FGFR2: variants seen among roughly 807,000 people sequenced by gnomAD.
The protein encoded by FGFR2 is fibroblast growth factor receptor 2.
Under a neutral mutation model 95.9 loss-of-function variants are expected in FGFR2, and 19 were observed. The observed-to-expected ratio is 0.20, with a 90% CI of 0.14 to 0.29. The LOEUF (loss-of-function observed/expected upper bound fraction) is 0.29, where lower values mean the gene tolerates loss of function less well. Ranked by LOEUF, FGFR2 falls within the 10% of genes least tolerant of loss-of-function variation. The pLI, the probability that FGFR2 is intolerant of heterozygous loss-of-function variation, is 1.00. For synonymous variants in FGFR2, 392 were observed against 393.3 expected (o/e 1.00, Z 0.04); for missense variants, 707 against 1,056.9 (o/e 0.67, Z 4.59).
At chr10:121,524,122 AC>A (rs1850964353) in intron 6 of FGFR2, among the ~76,000 whole-genome samples, 1 of 148,126 alleles carries the variant, frequency 6.8e-6, no homozygotes, top group African/African-American at 2.5e-5. Context: ...ACACACACAC[AC>A]ACACACACAC....
Position 121,548,245 on chromosome 10 carries a change from C to CTTTTTTTTTTTTTTTTT in FGFR2, c.624+3028_624+3044dup. ...TGTGTGGCCCTCTGCCGCTTTTGGC[C>CTTTTTTTTTTTTTTTTT]TTTTTTTTTTTTTTTTTTTTTTTTT... On this transcript the variant is annotated intron_variant, in intron 5 of 17. Coordinates refer to ENST00000358487, the MANE Select transcript of FGFR2 (RefSeq NM_000141.5). 7.7e-4 allele frequency among the ~76,000 whole-genome samples: 36 copies of CTTTTTTTTTTTTTTTTT among 46,698 alleles called. 4 individuals carry two copies. Among genetic ancestry groups the CTTTTTTTTTTTTTTTTT allele is most frequent in the Admixed American group, 2.1e-3 (5 of 2,412 alleles). The allele number at this position is 46,698 out of a possible 152,430, so 30.6% of individuals were successfully genotyped here.
At chr10:121,585,809 C>T (rs1309647369) in intron 2 of FGFR2, among the ~76,000 whole-genome samples, 2 of 152,132 alleles carry the variant, frequency 1.3e-5, no homozygotes, top group African/African-American at 2.4e-5. Flanking sequence ...TAAATGTCCA[C>T]GATATATATT....
rs1844345225 is a variant in FGFR2 at position 121,479,079 on chromosome 10, CA to C, written c.*777del. The C allele has an allele frequency of 4.3e-6, 1 of 232,708 alleles. No individual in the cohort carries two copies. Among genetic ancestry groups the C allele is most frequent in the African/African-American group, 2.2e-5 (1 of 45,298 alleles). The allele number at this position is 232,708 out of a possible 1,614,324, so 14.4% of individuals were successfully genotyped here. On this transcript the variant is annotated 3_prime_UTR_variant, in exon 18 of 18. Transcript: ENST00000358487. Reference sequence around the variant, plus strand: ...AAATAAATCAAAACTTCATTTTCCCCAAATTAGTCATATATTGTAAATATTC... The same window carrying C: ...AAATAAATCAAAACTTCATTTTCCCCAATTAGTCATATATTGTAAATATTC...
intron 1 of FGFR2, among the ~76,000 whole-genome samples, chr10:121,595,481 GGT>G (rs148572905): frequency 1.9e-4 from 29 of 151,798 alleles, no homozygotes; most frequent in African/African-American, 6.3e-4. Flanking sequence ...GTGTATGCAC[GGT>G]GTGTGTGTGT....
intron 2 of FGFR2, among the ~76,000 whole-genome samples, chr10:121,568,019 G>T (rs141120122): frequency 9.8e-4 from 149 of 152,328 alleles, no homozygotes; most frequent in African/African-American, 3.3e-3. Context: ...CTTAGAGCAG[G>T]TCTCTCAAGG....
intron 2 of FGFR2, among the ~76,000 whole-genome samples, chr10:121,585,503 C>A (rs1324282767): frequency 6.6e-6 from 1 of 152,200 alleles, no homozygotes; most frequent in Admixed American, 6.5e-5. Context: ...CTTTACATTT[C>A]ATTTGCATTT....
At chr10:121,583,246 T>G (rs1861236048) in intron 2 of FGFR2, 2 of 152,384 alleles carry the variant, frequency 1.3e-5, no homozygotes, top group Middle Eastern at 6.8e-3. Flanking sequence ...GGTCTGTCTA[T>G]GCAGGTAGGC....
intron 8 of FGFR2, among the ~76,000 whole-genome samples, chr10:121,516,363 G>T (rs1849710486): frequency 6.6e-6 from 1 of 152,216 alleles, no homozygotes; most frequent in Non-Finnish European, 1.5e-5. Flanking sequence ...GGATGCAATG[G>T]TATTATTGAA....
chr10:121,554,468 A>G (rs1229454583), intron 4 of FGFR2, among the ~76,000 whole-genome samples: 3 of 149,406 alleles, frequency 2.0e-5, no homozygotes, highest in Admixed American at 2.0e-4. Context: ...CCTCCCGAGT[A>G]GCTGGGACTA....
Position 121,591,917 on chromosome 10 carries a change from G to A in FGFR2, c.109+1792C>T, listed in dbSNP as rs1413623251. ...CTCGGGGAACTTCGTCCCTTTCCAC[G>A]ATTTCTTCCCTCTGCCTCACCTGTC... On this transcript the variant is annotated intron_variant, in intron 2 of 17. Transcript: ENST00000358487. 4.6e-5 allele frequency among the ~76,000 whole-genome samples: 7 copies of A among 152,170 alleles called. No individual in the cohort carries two copies. The South Asian group carries it at 6.2e-4, about 14-fold the overall frequency.
intron 17 of FGFR2, among the ~76,000 whole-genome samples, chr10:121,480,868 T>C (rs1589696226): frequency 6.6e-6 from 1 of 152,200 alleles, no homozygotes; most frequent in South Asian, 2.1e-4. Context: ...CAGACGACTT[T>C]GTATGGCCTG....
rs759690410 is a variant in FGFR2 at position 121,593,907 on chromosome 10, G to A, written c.-90C>T. 7.5e-6 allele frequency: 9 copies of A among 1,205,628 alleles called. No homozygotes were observed. Among genetic ancestry groups the A allele is most frequent in the African/African-American group, 1.5e-5 (1 of 66,900 alleles). 74.7% of individuals were successfully genotyped at this position (1,205,628 alleles called of 1,614,324 possible). ...CTTCCTCTACGGGCATGGACTACGC[G>A]CAATGCCTTCAGCCTGCGGTGGGCT... On this transcript the variant is annotated 5_prime_UTR_variant, in exon 2 of 18. Coordinates refer to ENST00000358487, the MANE Select transcript of FGFR2 (RefSeq NM_000141.5).
intron 6 of FGFR2, among the ~76,000 whole-genome samples, chr10:121,521,934 C>T (rs1564922469): frequency 6.6e-6 from 1 of 152,122 alleles, no homozygotes; most frequent in Non-Finnish European, 1.5e-5. Context: ...TACAATGTGG[C>T]TATATACACA....
At chr10:121,512,655 G>A (rs757226024) in intron 9 of FGFR2, among the ~76,000 whole-genome samples, 3 of 152,030 alleles carry the variant, frequency 2.0e-5, no homozygotes, top group African/African-American at 4.8e-5. Context: ...TCAGCCTCCT[G>A]TGGAGCTAGG....
chr10:121,596,190 G>A (rs1400112921), intron 1 of FGFR2, among the ~76,000 whole-genome samples: 5 of 152,146 alleles, frequency 3.3e-5, no homozygotes, highest in Admixed American at 6.5e-5. Flanking sequence ...GCCTGCACGC[G>A]GGAGGAGTTG....
intron 12 of FGFR2, among the ~76,000 whole-genome samples, chr10:121,497,831 G>C (rs41293751): frequency 2.0e-5 from 3 of 152,000 alleles, no homozygotes; most frequent in African/African-American, 7.3e-5. Flanking sequence ...AAGACCATAC[G>C]GCCCACAAAA....
rs150519853 is a variant in FGFR2, at chr10:121,479,533, T to C, written c.*324A>G. The stretch of plus-strand genomic sequence containing the variant: ...GTGTGCTGACATAAATCTTCTCCAA[T>C]TATTACAAAATTAACAAGGAAGGCA... On this transcript the variant is annotated 3_prime_UTR_variant, in exon 18 of 18. Transcript: ENST00000358487. The C allele has an allele frequency of 5.0e-3, 7,395 of 1,476,652 alleles. 30 individuals are homozygous for C. The highest frequency in any genetic ancestry group is 6.1e-3 in the Non-Finnish European group (6,663 of 1,087,322). 91.5% of individuals were successfully genotyped at this position (1,476,652 alleles called of 1,614,324 possible).
chr10:121,498,638 C>A, intron 11 of FGFR2, 33 bp from the exon 12 acceptor site: 1 of 1,577,542 alleles, frequency 6.3e-7, no homozygotes, highest in South Asian at 1.1e-5. Flanking sequence ...CAAATCAGTT[C>A]ATTTCCTCTA....
chr10:121,482,137 A>C (rs1349800614), intron 17 of FGFR2: 2 of 1,610,660 alleles, frequency 1.2e-6, no homozygotes, highest in Non-Finnish European at 8.5e-7. Context: ...GCGCCTGACC[A>C]ACTTTTCCCA....
Sources: allele counts gnomAD v4.1 joint callset (sites outside exome capture counted in the v4.1 genomes callset), GRCh38; gene constraint gnomAD v4.1.1; transcripts MANE v1.5; gene names NCBI Gene and HGNC (gene_info 2026-07-23, HGNC 2026-07-21).